The following RYR3 variants were observed in gnomAD, a reference collection of about 807,000 sequenced individuals.
The protein encoded by RYR3 is brain ryanodine receptor-calcium release channel.
A neutral mutation model predicts 584.3 loss-of-function variants in RYR3; 207 were observed. The ratio of observed to expected loss-of-function variants is 0.35; its 90% CI spans 0.32 to 0.40. The LOEUF (loss-of-function observed/expected upper bound fraction) is 0.40, where lower values mean the gene tolerates loss of function less well. Ranked by LOEUF, RYR3 falls within the 10% of genes least tolerant of loss-of-function variation. RYR3 has a pLI of 1.00. For synonymous variants in RYR3, 2,416 were observed against 2,248.5 expected, an observed-to-expected ratio of 1.07 and a Z score of -2.11; for missense variants, 5,616 against 6,089.2, an observed-to-expected ratio of 0.92 and a Z score of 2.59.
chr15:33,798,096 A>ATTTAT (rs766852988), intron 67 of RYR3, among the ~76,000 whole-genome samples: 2 of 151,048 alleles, frequency 1.3e-5, no homozygotes, highest in African/African-American at 2.4e-5. Flanking sequence ...TTATTTATTT[A>ATTTAT]TTTTTTTTGA....
chr15:33,730,982 G>T (rs2068897342), intron 47 of RYR3, among the ~76,000 whole-genome samples: 1 of 152,202 alleles, frequency 6.6e-6, no homozygotes, highest in Non-Finnish European at 1.5e-5. Flanking sequence ...CACAAAACTG[G>T]TGAATTTGAG....
chr15:33,860,789 CCTGTTCT>C, intron 101 of RYR3, 130 bp downstream of exon 101: 1 of 762,440 alleles, frequency 1.3e-6, no homozygotes. Context: ...TTTTCCATGC[CCTGTTCT>C]CTGCACCCTG....
intron 60 of RYR3, 123 bp from the exon 61 acceptor site, chr15:33,768,535 A>G (rs1402385713): frequency 7.3e-6 from 6 of 818,020 alleles, no homozygotes; most frequent in African/African-American, 1.7e-5. Flanking sequence ...AACATAGTGC[A>G]TCTCCCTAGA....
chr15:33,399,114 C>G (rs539174071), intron 1 of RYR3, among the ~76,000 whole-genome samples: 18 of 152,316 alleles, frequency 1.2e-4, no homozygotes, highest in Non-Finnish European at 1.6e-4. Context: ...GAATCCATCA[C>G]ACCTAGGGCC....
chr15:33,539,215 A>G (rs972928570), intron 5 of RYR3, 135 bp from the exon 6 acceptor site: 2 of 607,304 alleles, frequency 3.3e-6, no homozygotes, highest in Admixed American at 5.4e-5. Context: ...TTAGAGACCA[A>G]CAGAAGTTGA....
At chr15:33,549,487 GTTAGA>G (rs1268362440) in intron 9 of RYR3, among the ~76,000 whole-genome samples, 3 of 152,196 alleles carry the variant, frequency 2.0e-5, no homozygotes, top group African/African-American at 7.2e-5. Flanking sequence ...TAAATTTTGA[GTTAGA>G]TTATTCAGTG....
chr15:33,503,489 G>A, intron 2 of RYR3, 142 bp from the exon 3 acceptor site: 1 of 609,304 alleles, frequency 1.6e-6, no homozygotes. Context: ...ATCTTGAACA[G>A]GAGAAAGCCA....
intron 1 of RYR3, among the ~76,000 whole-genome samples, chr15:33,460,723 C>A (rs1203514556): frequency 6.6e-6 from 1 of 152,096 alleles, no homozygotes; most frequent in African/African-American, 2.4e-5. Context: ...GTGCCTTTAC[C>A]TGTAAAATGG....
intron 40 of RYR3, among the ~76,000 whole-genome samples, chr15:33,698,923 T>G (rs1029061955): frequency 6.6e-6 from 1 of 152,202 alleles, no homozygotes; most frequent in African/African-American, 2.4e-5. Context: ...TATTGAGCAC[T>G]GTAGGATCAA....
chr15:33,721,806 C>G (rs1156671663), intron 43 of RYR3, among the ~76,000 whole-genome samples: 2 of 152,066 alleles, frequency 1.3e-5, no homozygotes, highest in Admixed American at 1.3e-4. Flanking sequence ...GCTACCAACC[C>G]ACTTTTGAAT....
intron 38 of RYR3, among the ~76,000 whole-genome samples, chr15:33,695,803 T>C (rs527385255): frequency 3.9e-5 from 6 of 152,006 alleles, no homozygotes; most frequent in African/African-American, 1.4e-4. Flanking sequence ...TTTTTTTTTT[T>C]GAGACAGAGT....
intron 36 of RYR3, among the ~76,000 whole-genome samples, chr15:33,666,940 T>C (rs1013748187): frequency 6.6e-6 from 1 of 152,240 alleles, no homozygotes; most frequent in African/African-American, 2.4e-5. Flanking sequence ...AGAAATTCAT[T>C]TTCTAACTCA....
chr15:33,840,113 T>C (rs1436358449), intron 89 of RYR3, among the ~76,000 whole-genome samples: 1 of 152,228 alleles, frequency 6.6e-6, no homozygotes, highest in Non-Finnish European at 1.5e-5. Context: ...AGAGTGAATG[T>C]AGGCCCAACA....
chr15:33,577,102 G>C (rs11858462), intron 12 of RYR3, among the ~76,000 whole-genome samples: 36,971 of 151,814 alleles, frequency 0.24, 7,562 homozygotes, highest in African/African-American at 0.57. Flanking sequence ...AAAAACACTC[G>C]TCAAAGAAAT....
intron 2 of RYR3, among the ~76,000 whole-genome samples, chr15:33,474,523 G>T (rs1240703052): frequency 6.6e-6 from 1 of 152,072 alleles, no homozygotes; most frequent in Non-Finnish European, 1.5e-5. Context: ...AAGGCTAATA[G>T]CCTTTTCTTA....
chr15:33,389,141 T>A (rs2041830288), intron 1 of RYR3, among the ~76,000 whole-genome samples: 1 of 151,398 alleles, frequency 6.6e-6, no homozygotes, highest in Non-Finnish European at 1.5e-5. Flanking sequence ...GACGAGTTAA[T>A]GGGTGCAGCA....
rs771915652 is a variant in RYR3, at chr15:33,812,956, G to T, written c.10351G>T (p.Val3451Leu). 3.7e-6 allele frequency: 6 copies of T among 1,613,912 alleles called. No individual in the cohort carries two copies. The highest frequency in any genetic ancestry group is 5.1e-6 in the Non-Finnish European group (6 of 1,179,894). The change falls in exon 73 of 104, where the codon GTG becomes TTG. Residue 3451 changes from valine (V) to leucine (L), a missense_variant. This residue lies in a region of RYR3 where 954 missense variants were observed against 1,132.2 expected (regional missense o/e 0.84). Transcript: ENST00000634891. ...PFNPEKTVERVQRISAAVFHL... is the reference protein window; with the variant it reads ...PFNPEKTVERLQRISAAVFHL... ...CAATCCGGAAAAGACAGTGGAGCGTGTGCAGAGAATTTCAGCAGCTGTCTT... is the reference window on the plus strand; with the variant it reads ...CAATCCGGAAAAGACAGTGGAGCGTTTGCAGAGAATTTCAGCAGCTGTCTT...
At chr15:33,520,835 C>T (rs1223528114) in intron 3 of RYR3, among the ~76,000 whole-genome samples, 2 of 152,164 alleles carry the variant, frequency 1.3e-5, no homozygotes, top group Admixed American at 1.3e-4. Context: ...CAGTGACCAC[C>T]TTTTCCCCCT....
At chr15:33,671,630 G>A (rs369144815) in intron 38 of RYR3, among the ~76,000 whole-genome samples, 1 of 152,164 alleles carries the variant, frequency 6.6e-6, no homozygotes, top group East Asian at 1.9e-4. Flanking sequence ...GAAAGGGCGG[G>A]TCTTTTGTGA....
Sources: allele counts gnomAD v4.1 joint callset (sites outside exome capture counted in the v4.1 genomes callset), GRCh38; gene constraint gnomAD v4.1.1; regional missense constraint gnomAD v4.1.1; transcripts MANE v1.5; gene names NCBI Gene and HGNC (gene_info 2026-07-23, HGNC 2026-07-21).